The following SEMA5B variants were observed in gnomAD, a reference collection of about 807,000 sequenced individuals.
SEMA5B encodes semaphorin-5B.
SEMA5B carries 66 observed loss-of-function variants against 135.0 expected under a neutral mutation model. The ratio of observed to expected loss-of-function variants is 0.49; its 90% CI spans 0.40 to 0.60. The LOEUF is 0.60. SEMA5B is among the 20% of genes least tolerant of loss of function. The pLI, the probability that SEMA5B is intolerant of heterozygous loss-of-function variation, is 0.00. For missense variants in SEMA5B, 1,501 were observed against 1,566.3 expected, an observed-to-expected ratio of 0.96 and a Z score of 0.70; for synonymous variants, 690 against 639.5, an observed-to-expected ratio of 1.08 and a Z score of -1.19.
At chr3:122,969,286 T>C (rs1941012718) in intron 1 of SEMA5B, among the ~76,000 whole-genome samples, 1 of 152,194 alleles carries the variant, frequency 6.6e-6, no homozygotes, top group Admixed American at 6.5e-5. Flanking sequence ...TCAGCCTGCT[T>C]CCCACCTCCT....
chr3:122,963,091 G>A (rs1043771567), intron 1 of SEMA5B, among the ~76,000 whole-genome samples: 1 of 152,150 alleles, frequency 6.6e-6, no homozygotes, highest in Non-Finnish European at 1.5e-5. Context: ...CATACTCAAC[G>A]AGATGAGCAG....
At chr3:122,913,786 G>A in intron 15 of SEMA5B, 72 bp downstream of exon 15, 2 of 1,567,156 alleles carry the variant, frequency 1.3e-6, no homozygotes, top group Non-Finnish European at 1.7e-6. Context: ...CCGGGATCAC[G>A]AGGAGAATCC....
intron 1 of SEMA5B, among the ~76,000 whole-genome samples, chr3:122,967,245 C>T (rs1408618799): frequency 1.3e-5 from 2 of 152,132 alleles, no homozygotes; most frequent in African/African-American, 4.8e-5. Context: ...ATTATCGCAG[C>T]AATTATTCAC....
chr3:122,924,984 C>T (rs1269468717), intron 9 of SEMA5B, among the ~76,000 whole-genome samples: 1 of 152,208 alleles, frequency 6.6e-6, no homozygotes, highest in African/African-American at 2.4e-5. Context: ...GCACCCCTAC[C>T]AGGACAGGCA....
Position 122,922,271 on chromosome 3 carries a change from G to A in SEMA5B, c.1449C>T (p.Asp483=). The change falls in exon 11 of 23, where the codon GAC becomes GAT. Residue 483 remains aspartate, a synonymous_variant. Transcript: ENST00000357599. ...HLVVDLVQAK[D]TLYHVLYIGT... is the part of the protein sequence containing the mutation. ...CAATGTAGAGTACATGGTAGAGCGTGTCTTTAGCCTGCACCAGGTCCACCA... is the reference window on the plus strand; with the variant it reads ...CAATGTAGAGTACATGGTAGAGCGTATCTTTAGCCTGCACCAGGTCCACCA... 1.2e-6 allele frequency: 2 copies of A among 1,614,042 alleles called. No individual in the cohort carries two copies. The highest frequency in any genetic ancestry group is 1.7e-6 in the Non-Finnish European group (2 of 1,179,932).
chr3:122,936,992 C>G (rs546021206), intron 5 of SEMA5B, among the ~76,000 whole-genome samples: 5 of 152,110 alleles, frequency 3.3e-5, no homozygotes, highest in African/African-American at 1.2e-4. Flanking sequence ...TTTTTCTTTA[C>G]GTAATGTTAA....
intron 1 of SEMA5B, among the ~76,000 whole-genome samples, chr3:123,022,597 A>C (rs1397267877): frequency 6.6e-6 from 1 of 152,208 alleles, no homozygotes; most frequent in African/African-American, 2.4e-5. Flanking sequence ...CTCCTGACCC[A>C]GTCCCCATCC....
chr3:122,910,181 C>T lies in SEMA5B; in HGVS notation c.3418G>A (p.Glu1140Lys), dbSNP rs1439065969. The T allele has an allele frequency of 1.2e-5, 19 of 1,614,054 alleles. No individual in the cohort carries two copies. Among genetic ancestry groups the T allele is most frequent in the South Asian group, 4.4e-5 (4 of 91,086 alleles). The change falls in exon 23 of 23, where the codon GAG becomes AAG. Residue 1140 changes from glutamate to lysine, a missense_variant. Coordinates refer to ENST00000357599, the MANE Select transcript of SEMA5B (RefSeq NM_001031702.4). ...SPLNKHSFRP[E>K]ASPGQRCFPN... ...AAGCACCGTTGTCCAGGTGAGGCCTCGGGCCGGAAGCTGTGTTTGTTCAGG... is the reference window on the plus strand; with the variant it reads ...AAGCACCGTTGTCCAGGTGAGGCCTTGGGCCGGAAGCTGTGTTTGTTCAGG...
intron 1 of SEMA5B, among the ~76,000 whole-genome samples, chr3:122,988,526 G>C (rs1004376367): frequency 1.3e-5 from 2 of 152,222 alleles, no homozygotes; most frequent in Non-Finnish European, 2.9e-5. Flanking sequence ...GGAAGAGAGG[G>C]AGCACACAGA....
intron 1 of SEMA5B, among the ~76,000 whole-genome samples, chr3:122,977,319 G>A (rs371509183): frequency 2.0e-5 from 3 of 152,198 alleles, no homozygotes; most frequent in South Asian, 2.1e-4. Flanking sequence ...TTGCAGGATC[G>A]CTGAATAATA....
chr3:122,969,588 A>G (rs1941024829), intron 1 of SEMA5B, among the ~76,000 whole-genome samples: 1 of 151,540 alleles, frequency 6.6e-6, no homozygotes, highest in African/African-American at 2.4e-5. Context: ...TCCCAGCTCC[A>G]CTCCCATTCT....
chr3:122,910,081 C>G lies in SEMA5B; in HGVS notation c.*62G>C, dbSNP rs1937614138. ...GAGAAAACCAAACTGGCTCCACTGT[C>G]CCATCTCCATCTGCTCTGTGCCTTA... On this transcript the variant is annotated 3_prime_UTR_variant, in exon 23 of 23. Coordinates refer to ENST00000357599, the MANE Select transcript of SEMA5B (RefSeq NM_001031702.4). The G allele has an allele frequency of 2.6e-6, 4 of 1,566,094 alleles. No individual in the cohort carries two copies. The Admixed American group carries it at 7.1e-5, about 28-fold the overall frequency.
At chr3:123,013,899 GC>G (rs1327641856) in intron 1 of SEMA5B, among the ~76,000 whole-genome samples, 3 of 152,216 alleles carry the variant, frequency 2.0e-5, no homozygotes, top group African/African-American at 7.2e-5. Flanking sequence ...GGCTTCTCTG[GC>G]TCATCCTACA....
In SEMA5B at chr3:122,912,340, G is replaced by T; in HGVS notation, c.2728C>A (p.Arg910=). Residue 910 remains arginine (R), a splice_region_variant and synonymous_variant, in exon 19 of 23, where the codon CGG becomes AGG. Coordinates refer to ENST00000357599, the MANE Select transcript of SEMA5B (RefSeq NM_001031702.4). ...QDCNPQACPV[R]GAWSCWTSWS... ...GAGGTCCAGCAGGACCAAGCACCCCGAACTGCAAGGGGACGGGGTGTGTGA... is the reference window on the plus strand; with the variant it reads ...GAGGTCCAGCAGGACCAAGCACCCCTAACTGCAAGGGGACGGGGTGTGTGA... 1 of 1,592,622 alleles carries T rather than the reference G, an allele frequency of 6.3e-7. No individual in the cohort carries two copies. The highest frequency in any genetic ancestry group is 8.6e-7 in the Non-Finnish European group (1 of 1,169,526).
intron 5 of SEMA5B, among the ~76,000 whole-genome samples, chr3:122,930,640 G>A (rs921324096): frequency 2.6e-5 from 4 of 152,254 alleles, no homozygotes; most frequent in Admixed American, 2.0e-4. Flanking sequence ...CACCAAAGGG[G>A]TCAGCCTTGA....
intron 1 of SEMA5B, among the ~76,000 whole-genome samples, chr3:123,017,341 T>TAA (rs879737085): frequency 6.9e-6 from 1 of 145,094 alleles, no homozygotes; most frequent in African/African-American, 2.5e-5. Context: ...ATCTTACAGT[T>TAA]AAAAAAAAAA....
At chr3:122,954,942 A>G (rs552572262) in intron 2 of SEMA5B, among the ~76,000 whole-genome samples, 1 of 150,056 alleles carries the variant, frequency 6.7e-6, no homozygotes, top group South Asian at 2.1e-4. Flanking sequence ...ACAGGCACAT[A>G]CCACCAGGCT....
chr3:122,986,137 A>C (rs1045788535), intron 1 of SEMA5B, among the ~76,000 whole-genome samples: 1 of 152,224 alleles, frequency 6.6e-6, no homozygotes, highest in Admixed American at 6.5e-5. Flanking sequence ...AAGTCCAGAA[A>C]GCATAATACT....
At chr3:123,000,566 T>G (rs1297823856) in intron 1 of SEMA5B, among the ~76,000 whole-genome samples, 1 of 152,098 alleles carries the variant, frequency 6.6e-6, no homozygotes, top group African/African-American at 2.4e-5. Context: ...ATCTAAACTC[T>G]GTGAAGTGGG....
Sources: gnomAD v4.1 joint callset for allele counts (sites outside exome capture counted in the v4.1 genomes callset) on GRCh38, gnomAD v4.1.1 for gene constraint, MANE v1.5 for transcripts, NCBI Gene and HGNC (gene_info 2026-07-23, HGNC 2026-07-21) for gene names.